The following C12orf42 variants were observed in gnomAD, a reference collection of about 807,000 sequenced individuals.
C12orf42 encodes chromosome 12 open reading frame 42.
Under a neutral mutation model 21.6 loss-of-function variants are expected in C12orf42, and 25 were observed. That is an observed-to-expected ratio of 1.16 (90% CI 0.84 to 1.62). The LOEUF (loss-of-function observed/expected upper bound fraction) is 1.62, where lower values mean the gene tolerates loss of function less well. Among genes scored for constraint, C12orf42 ranks in the 40% most tolerant of loss-of-function variants. The pLI is 0.00. For missense variants in C12orf42, 483 were observed against 459.3 expected (o/e 1.05, Z -0.47); for synonymous variants, 174 against 175.0 (o/e 0.99, Z 0.05).
intron 1 of C12orf42, among the ~76,000 whole-genome samples, chr12:103,487,019 G>C (rs1409339867): frequency 6.6e-6 from 1 of 152,046 alleles, no homozygotes; most frequent in East Asian, 1.9e-4. Context: ...ATTTGCTCTT[G>C]CTTTTCTAGT....
intron 4 of C12orf42, among the ~76,000 whole-genome samples, chr12:103,314,554 T>C (rs1220804085): frequency 6.6e-6 from 1 of 152,174 alleles, no homozygotes; most frequent in African/African-American, 2.4e-5. Context: ...ACCTATATTT[T>C]AGTGAGTTTT....
intron 2 of C12orf42, among the ~76,000 whole-genome samples, chr12:103,470,947 T>C (rs1953553993): frequency 6.6e-6 from 1 of 152,172 alleles, no homozygotes; most frequent in South Asian, 2.1e-4. Flanking sequence ...GCCTCAGACA[T>C]CATGAAGCAG....
the C12orf42 span, among the ~76,000 whole-genome samples, chr12:103,179,829 T>C: frequency 6.6e-6 from 1 of 152,136 alleles, no homozygotes; most frequent in Non-Finnish European, 1.5e-5. Context: ...AGGAAGAAAT[T>C]CAGATTTGTA....
intron 2 of C12orf42, among the ~76,000 whole-genome samples, chr12:103,440,708 C>A (rs1259344641): frequency 6.6e-6 from 1 of 152,072 alleles, no homozygotes; most frequent in Non-Finnish European, 1.5e-5. Context: ...AGAATTAAAA[C>A]CCAGATTGGC....
intron 4 of C12orf42, among the ~76,000 whole-genome samples, chr12:103,363,781 A>T (rs2044333080): frequency 6.6e-6 from 1 of 152,172 alleles, no homozygotes; most frequent in Non-Finnish European, 1.5e-5. Flanking sequence ...GGTCTTATCC[A>T]ACAGGAAAAT....
chr12:103,489,336 G>C (rs543294625), intron 1 of C12orf42, among the ~76,000 whole-genome samples: 1 of 152,154 alleles, frequency 6.6e-6, no homozygotes, highest in Non-Finnish European at 1.5e-5. Context: ...TATCCCAGAG[G>C]GGCACCCACC....
At chr12:103,385,203 A>C (rs1300554926) in intron 3 of C12orf42, among the ~76,000 whole-genome samples, 1 of 152,208 alleles carries the variant, frequency 6.6e-6, no homozygotes, top group Non-Finnish European at 1.5e-5. Context: ...AAGTTAAGAA[A>C]CACTATTGCT....
At chr12:103,344,264 T>C (rs2042419518) in intron 4 of C12orf42, among the ~76,000 whole-genome samples, 1 of 152,110 alleles carries the variant, frequency 6.6e-6, no homozygotes, top group Admixed American at 6.5e-5. Flanking sequence ...AATTCAAACT[T>C]CCCGGAGCTG....
intron 4 of C12orf42, among the ~76,000 whole-genome samples, chr12:103,327,235 G>A (rs1996749): frequency 0.49 from 73,963 of 151,862 alleles, 20,438 homozygotes; most frequent in African/African-American, 0.75. Context: ...TTCAGTGAAC[G>A]AGAGTACAGC....
chr12:103,205,952 G>T, the C12orf42 span, among the ~76,000 whole-genome samples: 1 of 152,172 alleles, frequency 6.6e-6, no homozygotes, highest in Admixed American at 6.5e-5. Context: ...GAATACTGTG[G>T]TTCCAGGATT....
the C12orf42 span, chr12:103,557,691 TG>T: frequency 6.6e-6 from 1 of 152,086 alleles, no homozygotes; most frequent in Non-Finnish European, 1.5e-5. Flanking sequence ...AACACTAAAC[TG>T]CTTAATGATG....
chr12:103,068,082 G>A, the C12orf42 span, among the ~76,000 whole-genome samples: 4 of 152,172 alleles, frequency 2.6e-5, no homozygotes, highest in Non-Finnish European at 4.4e-5. Flanking sequence ...GGTGTTTCCT[G>A]AAGGCAAAGA....
At chr12:103,119,684 C>T in the C12orf42 span, among the ~76,000 whole-genome samples, 1 of 152,130 alleles carries the variant, frequency 6.6e-6, no homozygotes, top group Non-Finnish European at 1.5e-5. Context: ...ATTCTGAGCA[C>T]CTAGCCCAAC....
the C12orf42 span, among the ~76,000 whole-genome samples, chr12:103,214,330 C>T: frequency 6.6e-6 from 1 of 152,316 alleles, no homozygotes; most frequent in African/African-American, 2.4e-5. Context: ...GATTTGGGGG[C>T]TATTCAGATG....
At chr12:103,494,510 A>G (rs1955386026) in intron 1 of C12orf42, among the ~76,000 whole-genome samples, 1 of 152,100 alleles carries the variant, frequency 6.6e-6, no homozygotes, top group African/African-American at 2.4e-5. Context: ...GTAAAATAAA[A>G]AGGAGGAGGA....
chr12:103,202,008 C>T, the C12orf42 span, among the ~76,000 whole-genome samples: 6 of 152,270 alleles, frequency 3.9e-5, no homozygotes, highest in African/African-American at 1.2e-4. Context: ...TAATATCAAA[C>T]GGCAAACTTC....
chr12:103,537,975 T>A, the C12orf42 span, among the ~76,000 whole-genome samples: 4 of 152,284 alleles, frequency 2.6e-5, no homozygotes, highest in South Asian at 8.3e-4. Flanking sequence ...AGTATACCAG[T>A]TTTTCCAGAC....
chr12:103,522,940 T>C, the C12orf42 span, among the ~76,000 whole-genome samples: 1 of 152,168 alleles, frequency 6.6e-6, no homozygotes, highest in Non-Finnish European at 1.5e-5. Context: ...CAAGTCCCAT[T>C]GTTACAGGAT....
At chr12:103,386,758 G>A (rs906060897) in intron 3 of C12orf42, among the ~76,000 whole-genome samples, 7 of 152,178 alleles carry the variant, frequency 4.6e-5, no homozygotes, top group Non-Finnish European at 8.8e-5. Flanking sequence ...TGAAGTGGTT[G>A]AACACTCATA....
Sources: allele counts gnomAD v4.1 joint callset (sites outside exome capture counted in the v4.1 genomes callset), GRCh38; gene constraint gnomAD v4.1.1; transcripts MANE v1.5; gene names NCBI Gene and HGNC (gene_info 2026-07-23, HGNC 2026-07-21).